UMAD1: variants seen among roughly 807,000 people sequenced by gnomAD.
UMAD1 encodes UBAP1-MVB12-associated (UMA)-domain containing protein 1.
UMAD1 carries 8 observed loss-of-function variants against 6.1 expected under a neutral mutation model. The observed-to-expected ratio is 1.30, with a 90% CI of 0.76 to 2.35. The LOEUF is 2.35. Among genes scored for constraint, UMAD1 ranks in the 30% most tolerant of loss-of-function variants. The pLI, the probability that UMAD1 is intolerant of heterozygous loss-of-function variation, is 0.00. For missense variants in UMAD1, 130 were observed against 78.4 expected, an observed-to-expected ratio of 1.66 and a Z score of -2.49; for synonymous variants, 56 against 31.4, an observed-to-expected ratio of 1.78 and a Z score of -2.61.
intron 3 of UMAD1, among the ~76,000 whole-genome samples, chr7:7,864,337 T>C (rs553288547): frequency 4.3e-4 from 66 of 152,234 alleles, no homozygotes; most frequent in African/African-American, 1.6e-3. Context: ...TTAGAAATAT[T>C]AATAAAGACA....
intron 2 of UMAD1, among the ~76,000 whole-genome samples, chr7:7,756,049 G>C (rs1367838218): frequency 6.6e-6 from 1 of 152,164 alleles, no homozygotes; most frequent in Non-Finnish European, 1.5e-5. Flanking sequence ...CTGGGAGCGG[G>C]GGACTCAAGA....
intron 1 of UMAD1, among the ~76,000 whole-genome samples, chr7:7,656,229 G>A (rs988740859): frequency 1.3e-5 from 2 of 152,162 alleles, no homozygotes; most frequent in East Asian, 3.8e-4. Context: ...GGTGGAAGTG[G>A]AGTGGAAATA....
At chr7:7,693,295 T>TTATC (rs1250261083) in intron 2 of UMAD1, among the ~76,000 whole-genome samples, 30,184 of 148,820 alleles carry the variant, frequency 0.2, 3,234 homozygotes, top group East Asian at 0.28. Flanking sequence ...TAAAATATCT[T>TTATC]TATCTATCTA....
At chr7:7,845,263 T>C (rs1290592723) in intron 3 of UMAD1, among the ~76,000 whole-genome samples, 1 of 152,094 alleles carries the variant, frequency 6.6e-6, no homozygotes, top group Non-Finnish European at 1.5e-5. Flanking sequence ...TAATTTTAGC[T>C]ATTTCCTTTT....
At chr7:7,721,931 G>T (rs1009672241) in intron 2 of UMAD1, among the ~76,000 whole-genome samples, 1 of 152,096 alleles carries the variant, frequency 6.6e-6, no homozygotes, top group Non-Finnish European at 1.5e-5. Context: ...TGCCCGCTTG[G>T]CTGGGATATA....
intron 2 of UMAD1, among the ~76,000 whole-genome samples, chr7:7,754,341 T>C (rs1254734585): frequency 2.0e-5 from 3 of 152,230 alleles, no homozygotes; most frequent in Admixed American, 1.3e-4. Flanking sequence ...TTTTGTTGCA[T>C]TTCTCTGGTG....
intron 2 of UMAD1, among the ~76,000 whole-genome samples, chr7:7,760,316 G>A (rs941301930): frequency 3.3e-5 from 5 of 151,658 alleles, no homozygotes; most frequent in African/African-American, 1.2e-4. Context: ...AGCTCTGCCC[G>A]AATTTTTGAC....
chr7:7,858,348 A>C (rs4270868), intron 3 of UMAD1, among the ~76,000 whole-genome samples: 38,178 of 152,150 alleles, frequency 0.25, 5,800 homozygotes, highest in Non-Finnish European at 0.33. Context: ...TAAATTATTT[A>C]GTTTCTTCAG....
Position 7,830,535 on chromosome 7 carries a change from G to A in UMAD1, c.156+28792G>A, listed in dbSNP as rs902519178. On this transcript the variant is annotated intron_variant, in intron 3 of 3. Coordinates refer to ENST00000682710, the MANE Select transcript of UMAD1 (RefSeq NM_001302348.2). This position sits in a 1 kb window ranked among gnomAD's most constrained non-coding sequence, Gnocchi z 5.3. ...GTTTCTTTTCTTTCTTTTAACATGC[G>A]TGTTTTTCTTCTTTGCTCTGGGTGC... Among the ~76,000 whole-genome samples the A allele has an allele frequency of 6.0e-5, 9 of 151,048 alleles. No homozygotes were observed. The highest frequency in any genetic ancestry group is 1.2e-4 in the African/African-American group (5 of 40,986).
At chr7:7,693,673 A>G (rs1037632156) in intron 2 of UMAD1, among the ~76,000 whole-genome samples, 2 of 152,146 alleles carry the variant, frequency 1.3e-5, no homozygotes, top group Non-Finnish European at 2.9e-5. Flanking sequence ...GCACAAATTT[A>G]TGCCTTGTTT....
intron 2 of UMAD1, among the ~76,000 whole-genome samples, chr7:7,730,572 C>T (rs11971584): frequency 0.13 from 19,625 of 152,136 alleles, 1,462 homozygotes; most frequent in African/African-American, 0.21. Context: ...TACATCCTCA[C>T]GTATAAGCCC....
At chr7:7,649,136 C>T (rs1283901613) in intron 1 of UMAD1, among the ~76,000 whole-genome samples, 9 of 121,394 alleles carry the variant, frequency 7.4e-5, no homozygotes, top group African/African-American at 9.6e-5. Context: ...CCAGCCCGTG[C>T]GACAAGAGCG....
intron 2 of UMAD1, among the ~76,000 whole-genome samples, chr7:7,724,173 C>T (rs1481098616): frequency 6.6e-6 from 1 of 152,148 alleles, no homozygotes; most frequent in African/African-American, 2.4e-5. Flanking sequence ...AATGTCATTT[C>T]AGATAGTCCC....
intron 2 of UMAD1, among the ~76,000 whole-genome samples, chr7:7,699,539 A>G (rs1423759766): frequency 1.3e-5 from 2 of 152,234 alleles, no homozygotes; most frequent in Non-Finnish European, 2.9e-5. Context: ...AGAAACTGCT[A>G]GAGAACTGAA....
intron 2 of UMAD1, among the ~76,000 whole-genome samples, chr7:7,792,858 T>C (rs544757542): frequency 3.3e-5 from 5 of 152,256 alleles, no homozygotes; most frequent in Non-Finnish European, 5.9e-5. Context: ...AGAAGGCATC[T>C]TCTTGCTTCA....
chr7:7,868,250 T>C (rs1034695888), intron 3 of UMAD1: 2 of 152,068 alleles, frequency 1.3e-5, no homozygotes, highest in African/African-American at 4.8e-5. Flanking sequence ...AATAGGATCC[T>C]GCATTTAACG....
intron 3 of UMAD1, among the ~76,000 whole-genome samples, chr7:7,856,084 C>T (rs1436245572): frequency 6.6e-6 from 1 of 152,210 alleles, no homozygotes; most frequent in Non-Finnish European, 1.5e-5. Context: ...CTAGGAAGTT[C>T]CAGACTTTAC....
At chr7:7,759,169 A>T (rs909353125) in intron 2 of UMAD1, among the ~76,000 whole-genome samples, 13 of 152,190 alleles carry the variant, frequency 8.5e-5, no homozygotes, top group African/African-American at 3.1e-4. Flanking sequence ...TTACTCTGAC[A>T]TGAGAAACTT....
At chr7:7,831,201 C>G (rs141424421) in intron 3 of UMAD1, among the ~76,000 whole-genome samples, 33 of 152,134 alleles carry the variant, frequency 2.2e-4, no homozygotes, top group African/African-American at 6.3e-4. Flanking sequence ...GTTTTAGCCT[C>G]TAACCCATAT....
Sources: gnomAD v4.1 joint callset for allele counts (sites outside exome capture counted in the v4.1 genomes callset) on GRCh38, gnomAD v4.1.1 for gene constraint, Gnocchi (gnomAD v3.1) non-coding constraint, MANE v1.5 for transcripts, NCBI Gene and HGNC (gene_info 2026-07-23, HGNC 2026-07-21) for gene names.